Variants in ATM observed in about 807,000 individuals in gnomAD.
ATM encodes serine-protein kinase ATM.
Under a neutral mutation model 387.0 loss-of-function variants are expected in ATM, and 308 were observed. The observed-to-expected ratio is 0.80, with a 90% CI of 0.73 to 0.87. The LOEUF (loss-of-function observed/expected upper bound fraction) is 0.87. Among genes scored for constraint, ATM ranks in the 40% least tolerant of loss-of-function variants. ATM has a pLI of 0.00. For synonymous variants in ATM, 1,156 were observed against 1,187.3 expected, an observed-to-expected ratio of 0.97 and a Z score of 0.54; for missense variants, 3,312 against 3,560.9, an observed-to-expected ratio of 0.93 and a Z score of 1.78.
chr11:108,280,123 T>C (rs186788516), intron 23 of ATM, among the ~76,000 whole-genome samples: 18 of 152,340 alleles, frequency 1.2e-4, no homozygotes, highest in Admixed American at 9.8e-4. Context: ...TTTAAGGTAG[T>C]TAAATAACTG....
chr11:108,291,207 G>C (rs1340378862), intron 29 of ATM, among the ~76,000 whole-genome samples: 1 of 152,012 alleles, frequency 6.6e-6, no homozygotes, highest in Non-Finnish European at 1.5e-5. Context: ...CTGCACTCCA[G>C]CCTGGGCGAC....
At chr11:108,273,363 T>A (rs28688500) in intron 22 of ATM, among the ~76,000 whole-genome samples, 1 of 142,982 alleles carries the variant, frequency 7.0e-6, no homozygotes, top group African/African-American at 2.6e-5. Context: ...TTTTTTGAGA[T>A]GGAGTTTCGC....
At position 108,250,739 on chromosome 11, in the gene ATM, C is replaced by G. The variant is rs1301649540; in HGVS notation, c.1274C>G (p.Ala425Gly). ...ACCCAATTAATATCAAAGTATCCTG[C>G]AAGTTTACCTAACTGTGAGCTGTCT... Reference protein sequence around the residue: ...IATQLISKYPASLPNCELSPL... With the variant: ...IATQLISKYPGSLPNCELSPL... The change falls in exon 10 of 63, where the codon GCA (alanine) becomes GGA (glycine). Residue 425 changes from alanine to glycine, a missense_variant. Ala to Gly is a moderately conservative substitution (Grantham distance 60, BLOSUM62 0). Coordinates refer to ENST00000675843, the MANE Select transcript of ATM (RefSeq NM_000051.4). 2 of 1,608,670 alleles carry G rather than the reference C, an allele frequency of 1.2e-6. No homozygotes were observed. The highest frequency in any genetic ancestry group is 2.2e-5 in the South Asian group (2 of 90,896).
At chr11:108,294,881 G>A (rs2135832087) in intron 31 of ATM, 46 bp from the exon 32 acceptor site, 1 of 1,608,226 alleles carries the variant, frequency 6.2e-7, no homozygotes, top group Non-Finnish European at 8.5e-7. Context: ...TTATTTCACA[G>A]GCTTAACCAA....
At chr11:108,344,733 G>A (rs1354835104) in intron 57 of ATM, among the ~76,000 whole-genome samples, 2 of 152,118 alleles carry the variant, frequency 1.3e-5, no homozygotes, top group African/African-American at 4.8e-5. Flanking sequence ...GGCGGGTGTG[G>A]TAGCGCATGC....
chr11:108,229,129 A>G (rs2078879082), intron 3 of ATM, 49 bp from the exon 4 acceptor site: 2 of 1,560,372 alleles, frequency 1.3e-6, no homozygotes, highest in South Asian at 1.2e-5. Context: ...AAATTATTAT[A>G]ATTTAAGTAT....
chr11:108,248,525 T>A (rs940124628), intron 8 of ATM, among the ~76,000 whole-genome samples: 17 of 152,170 alleles, frequency 1.1e-4, no homozygotes, highest in African/African-American at 4.1e-4. Flanking sequence ...CTTTATGAGT[T>A]CCCTGTATCT....
rs1565563429 is a variant in ATM, at chr11:108,345,792, T to C, written c.8468T>C (p.Val2823Ala). 6.2e-7 allele frequency: 1 copy of C among 1,613,802 alleles called. No homozygotes were observed. The highest frequency in any genetic ancestry group is 2.2e-5 in the East Asian group (1 of 44,834). ...GAGAAATATGAAGTCTTCATGGATG[T>C]TTGCCAAAATTTTCAACCAGTTTTC... ...FEEKYEVFMD[V>A]CQNFQPVFRY... Residue 2823 changes from valine (V) to alanine (A), a missense_variant, in exon 58 of 63, where the codon GTT (valine) becomes GCT (alanine). By Grantham distance (64) the Val-to-Ala change is moderately conservative (BLOSUM62 0). Transcript: ENST00000675843.
chr11:108,286,906 TTAAGACTTCACAATTCTCATTCATTTAAC>T (rs1300614296), intron 26 of ATM, among the ~76,000 whole-genome samples: 2 of 152,234 alleles, frequency 1.3e-5, no homozygotes, highest in Non-Finnish European at 2.9e-5. Flanking sequence ...ATATTCACCC[TTAAGACTTCACAATTCTCATTCATTTAAC>T]TAAAGTGCAA....
In ATM at chr11:108,256,356, C is replaced by A. The variant is rs2135395339; in HGVS notation, c.2250+16C>A. On this transcript the variant is annotated intron_variant, in intron 14 of 62. Coordinates refer to ENST00000675843, the MANE Select transcript of ATM (RefSeq NM_000051.4). Reference sequence around the variant, plus strand: ...GAAAGCCAAGGTAGGAGAATTTATACTAATAAAGTTTCGGATAAATTTGAA... The same window carrying A: ...GAAAGCCAAGGTAGGAGAATTTATAATAATAAAGTTTCGGATAAATTTGAA... 1 of 1,602,942 alleles carries A rather than the reference C, an allele frequency of 6.2e-7. No individual in the cohort carries two copies. Among genetic ancestry groups the A allele is most frequent in the Non-Finnish European group, 8.5e-7 (1 of 1,172,358 alleles).
chr11:108,263,752 AAAGAGAG>A (rs2081051475), intron 16 of ATM, among the ~76,000 whole-genome samples: 1 of 146,912 alleles, frequency 6.8e-6, no homozygotes, highest in Non-Finnish European at 1.5e-5. Context: ...ATAAAGAAAA[AAAGAGAG>A]AAGAATCAAA....
intron 38 of ATM, 109 bp from the exon 39 acceptor site, chr11:108,310,051 T>C: frequency 8.4e-7 from 1 of 1,188,688 alleles, no homozygotes; most frequent in Non-Finnish European, 1.2e-6. Flanking sequence ...TTTGGGAATT[T>C]GTAATTTTCT....
At chr11:108,338,880 A>G (rs2087152461) in intron 56 of ATM, among the ~76,000 whole-genome samples, 1 of 152,204 alleles carries the variant, frequency 6.6e-6, no homozygotes. Flanking sequence ...AAGGTTCCCT[A>G]GACTACAGCG....
Position 108,335,071 on chromosome 11 carries a change from G to A in ATM, c.8113G>A (p.Val2705Ile), listed in dbSNP as rs587779870. ...AAATTTACCAAAAATAATAGATTGT[G>A]TAGGTTCCGATGGCAAGGAGAGGAG... The part of the protein sequence containing the change: ...GVNLPKIIDC[V>I]GSDGKERRQL... Residue 2705 changes from valine to isoleucine, a missense_variant, in exon 55 of 63, where the codon GTA (valine) becomes ATA (isoleucine). This residue lies in a region of ATM where 1,405 missense variants were observed against 1,604.4 expected (regional missense o/e 0.88). Coordinates refer to ENST00000675843, the MANE Select transcript of ATM (RefSeq NM_000051.4). The A allele has an allele frequency of 9.9e-6, 16 of 1,613,996 alleles. No individual in the cohort carries two copies. The highest frequency in any genetic ancestry group is 9.3e-6 in the Non-Finnish European group (11 of 1,179,998).
intron 13 of ATM, among the ~76,000 whole-genome samples, 169 bp downstream of exon 13, chr11:108,254,208 A>G (rs954373316): frequency 4.6e-5 from 7 of 152,220 alleles, no homozygotes; most frequent in African/African-American, 1.7e-4. Context: ...TAATTAAAGG[A>G]AAACTCAAGA....
rs371535082 is a variant in ATM, at chr11:108,294,914, T to A, written c.4777-13T>A. ...CAATACGTGTTAAAAGCAAGTTACA[T>A]TTTCTCTTTTAGGAAATTAACCATT... On this transcript the variant is annotated splice_polypyrimidine_tract_variant and intron_variant, in intron 31 of 62. Transcript: ENST00000675843. 9 of 1,613,398 alleles carry A rather than the reference T, an allele frequency of 5.6e-6. No homozygotes were observed. In the African/African-American group the frequency reaches 1.2e-4, roughly 22 times the overall value.
intron 13 of ATM, among the ~76,000 whole-genome samples, chr11:108,254,313 T>A (rs902512628): frequency 6.6e-6 from 1 of 152,138 alleles, no homozygotes; most frequent in Non-Finnish European, 1.5e-5. Context: ...AGTTTGAGCA[T>A]AGGGATTATA....
In ATM at chr11:108,244,835, C is replaced by T. The variant is rs2079758183; in HGVS notation, c.710C>T (p.Thr237Ile). The T allele has an allele frequency of 6.2e-7, 1 of 1,613,702 alleles. No individual in the cohort carries two copies. Among genetic ancestry groups the T allele is most frequent in the Admixed American group, 1.7e-5 (1 of 59,984 alleles). Residue 237 changes from threonine to isoleucine, a missense_variant, in exon 7 of 63, where the codon ACT (threonine) becomes ATT (isoleucine). Thr to Ile is a moderately conservative substitution (Grantham distance 89). Around this residue, in one of 4 missense-constraint regions of ATM, gnomAD observed 1,791 missense variants for 1,804.5 expected, o/e 0.99. Transcript: ENST00000675843. ...CTAAATCATATCTTAGCAGCTCTTA[C>T]TATCTTCCTCAAGACTTTGGCTGTC... is the stretch of plus-strand genomic sequence containing the variant. ...SGLNHILAAL[T>I]IFLKTLAVNF... is the part of the protein sequence containing the mutation.
rs786202583 is a variant in ATM at position 108,325,459 on chromosome 11, A to G, written c.6722A>G (p.Asn2241Ser). ...LEILMEKEMD[N>S]SQRECIKDIL... is the part of the protein sequence containing the mutation. The stretch of plus-strand genomic sequence containing the variant: ...ATCCTGATGGAAAAGGAAATGGACA[A>G]CTCACAAAGAGAATGTATTAAGGAC... Residue 2241 changes from asparagine (N) to serine (S), a missense_variant, in exon 46 of 63, where the codon AAC becomes AGC. This residue lies in a region of ATM where 1,405 missense variants were observed against 1,604.4 expected (regional missense o/e 0.88). Coordinates refer to ENST00000675843, the MANE Select transcript of ATM (RefSeq NM_000051.4). 9 of 1,613,684 alleles carry G rather than the reference A, an allele frequency of 5.6e-6. No homozygotes were observed. Among genetic ancestry groups the G allele is most frequent in the Non-Finnish European group, 6.8e-6 (8 of 1,179,890 alleles).
Sources: gnomAD v4.1 joint callset for allele counts (sites outside exome capture counted in the v4.1 genomes callset) on GRCh38, gnomAD v4.1.1 for gene constraint, gnomAD v4.1.1 regional missense constraint, MANE v1.5 for transcripts, NCBI Gene and HGNC (gene_info 2026-07-23, HGNC 2026-07-21) for gene names.